SLC5A12: variants seen among roughly 807,000 people sequenced by gnomAD.
SLC5A12 encodes sodium-coupled monocarboxylate transporter 2.
Under a neutral mutation model 72.7 loss-of-function variants are expected in SLC5A12, and 46 were observed. The observed-to-expected ratio is 0.63, with a 90% confidence interval of 0.50 to 0.81. SLC5A12 has a LOEUF of 0.81. Among genes scored for constraint, SLC5A12 ranks in the 30% least tolerant of loss-of-function variants. SLC5A12 has a pLI of 0.00. For synonymous variants in SLC5A12, 275 were observed against 264.4 expected, an observed-to-expected ratio of 1.04 and a Z score of -0.39; for missense variants, 683 against 740.7, an observed-to-expected ratio of 0.92 and a Z score of 0.90.
intron 8 of SLC5A12, among the ~76,000 whole-genome samples, chr11:26,696,596 C>T (rs12292422): frequency 0.13 from 20,323 of 152,166 alleles, 1,698 homozygotes; most frequent in African/African-American, 0.24. Context: ...GGTTACAAAC[C>T]TGTACAGAAT....
rs1854032565 is a variant in SLC5A12 at position 26,667,737 on chromosome 11, CT to C, written c.*3364del. 6.6e-6 allele frequency: 1 copy of C among 151,702 alleles called. No individual in the cohort carries two copies. Among genetic ancestry groups the C allele is most frequent in the Non-Finnish European group, 1.5e-5 (1 of 67,892 alleles). The allele number at this position is 151,702 out of a possible 1,614,324, so 9.4% of individuals were successfully genotyped here. ...GAATTTAGGACCTTTAGAAAAGTTA[CT>C]CTCTGGAAAATAATATTTTATTTAA... On this transcript the variant is annotated 3_prime_UTR_variant, in exon 15 of 15. Transcript: ENST00000396005.
chr11:26,703,425 TACAC>T (rs10594778), intron 6 of SLC5A12, 102 bp downstream of exon 6: 30 of 882,458 alleles, frequency 3.4e-5, no homozygotes, highest in African/African-American at 2.7e-4. Context: ...CACACATACA[TACAC>T]ACACACACAC....
intron 6 of SLC5A12, among the ~76,000 whole-genome samples, chr11:26,702,297 A>G (rs991478772): frequency 6.6e-6 from 1 of 152,198 alleles, no homozygotes; most frequent in Non-Finnish European, 1.5e-5. Flanking sequence ...TCTGAGAGCT[A>G]TGAAATATAT....
rs1565185805 is a variant in SLC5A12, at chr11:26,680,392, T to TATACA, written c.1475+662_1475+663insTGTAT. Reference sequence around the variant, plus strand: ...ATATTCATATATATATGTATATATATTCATATATATATATATATTTCCTCA... The same window carrying TATACA: ...ATATTCATATATATATGTATATATATATACATCATATATATATATATATTTCCTCA... On this transcript the variant is annotated intron_variant, in intron 12 of 14. Transcript: ENST00000396005. Among the ~76,000 whole-genome samples the TATACA allele has an allele frequency of 8.9e-5, 6 of 67,382 alleles. No homozygotes were observed. The South Asian group carries it at 3.2e-3, about 36-fold the overall frequency. 44.2% of individuals were successfully genotyped at this position (67,382 alleles called of 152,430 possible).
At chr11:26,712,122 C>T (rs979759245) in intron 2 of SLC5A12, among the ~76,000 whole-genome samples, 2 of 151,912 alleles carry the variant, frequency 1.3e-5, no homozygotes, top group African/African-American at 2.4e-5. Context: ...CTATCAATGC[C>T]GTGCCATGGG....
At chr11:26,674,640 T>C (rs1246989966) in intron 13 of SLC5A12, among the ~76,000 whole-genome samples, 1 of 152,080 alleles carries the variant, frequency 6.6e-6, no homozygotes, top group African/African-American at 2.4e-5. Flanking sequence ...TGACCTCAGG[T>C]GATCTGCCCA....
intron 14 of SLC5A12, among the ~76,000 whole-genome samples, chr11:26,672,584 G>T (rs1854168484): frequency 6.6e-6 from 1 of 152,012 alleles, no homozygotes; most frequent in African/African-American, 2.4e-5. Context: ...ATCCTTCAGT[G>T]GGAACCCAAA....
At chr11:26,712,857 G>T in intron 1 of SLC5A12, 151 bp from the exon 2 acceptor site, 1 of 388,798 alleles carries the variant, frequency 2.6e-6, no homozygotes, top group Non-Finnish European at 4.7e-6. Context: ...GAATAAAAAA[G>T]CATGGATTGT....
intron 9 of SLC5A12, among the ~76,000 whole-genome samples, chr11:26,689,324 G>A (rs1184179952): frequency 1.3e-5 from 2 of 152,108 alleles, no homozygotes; most frequent in Admixed American, 6.5e-5. Flanking sequence ...CTTGAACCCG[G>A]GAGGCGGAGG....
chr11:26,722,845 C>T (rs1011270255), upstream of SLC5A12, among the ~76,000 whole-genome samples: 9 of 150,874 alleles, frequency 6.0e-5, no homozygotes, highest in African/African-American at 2.0e-4. Context: ...TCCATCCCCA[C>T]CTCTACAAAG....
At chr11:26,686,396 T>C (rs1349904602) in intron 10 of SLC5A12, 81 bp downstream of exon 10, 2 of 1,278,010 alleles carry the variant, frequency 1.6e-6, no homozygotes, top group African/African-American at 2.9e-5. Flanking sequence ...CCTTTGGATC[T>C]TGGAGGAAGA....
At chr11:26,716,028 G>C (rs897934087) in intron 1 of SLC5A12, among the ~76,000 whole-genome samples, 24 of 152,126 alleles carry the variant, frequency 1.6e-4, no homozygotes, top group African/African-American at 5.1e-4. Context: ...TGAATACAAA[G>C]ATTGGCACTA....
rs867286848 is a variant in SLC5A12 at position 26,718,648 on chromosome 11, G to A, written c.339+2728C>T. 6.5e-3 allele frequency among the ~76,000 whole-genome samples: 989 copies of A among 151,074 alleles called. 11 individuals carry two copies. The highest frequency in any genetic ancestry group is 0.023 in the African/African-American group (945 of 41,034). On this transcript the variant is annotated intron_variant, in intron 1 of 14. Coordinates refer to ENST00000396005, the MANE Select transcript of SLC5A12 (RefSeq NM_178498.4). ...TGTGTGTGTGTGTGTGTGTGTGTGT[G>A]TGTGTGTGTGTGTGTTGTTTAGTAG...
intron 12 of SLC5A12, among the ~76,000 whole-genome samples, 163 bp downstream of exon 12, chr11:26,680,892 A>T (rs1375131416): frequency 6.6e-6 from 1 of 152,140 alleles, no homozygotes; most frequent in East Asian, 1.9e-4. Context: ...ATCTGCAGAA[A>T]GCTGCAGCCC....
upstream of SLC5A12, among the ~76,000 whole-genome samples, chr11:26,722,788 C>T (rs1241886341): frequency 6.6e-6 from 1 of 151,596 alleles, no homozygotes; most frequent in Admixed American, 6.6e-5. Context: ...ACCTCTAGTG[C>T]AATTTCTAAT....
At chr11:26,696,620 A>G (rs1391808197) in intron 8 of SLC5A12, among the ~76,000 whole-genome samples, 2 of 152,350 alleles carry the variant, frequency 1.3e-5, no homozygotes, top group East Asian at 3.9e-4. Context: ...ACTGTCCTGA[A>G]TACTGTAGGC....
At chr11:26,693,712 T>C (rs968382638) in intron 8 of SLC5A12, among the ~76,000 whole-genome samples, 1 of 152,170 alleles carries the variant, frequency 6.6e-6, no homozygotes, top group African/African-American at 2.4e-5. Flanking sequence ...TCCATTGATA[T>C]TGATTAAAAA....
At chr11:26,687,528 T>G (rs1414983160) in intron 9 of SLC5A12, among the ~76,000 whole-genome samples, 1 of 152,236 alleles carries the variant, frequency 6.6e-6, no homozygotes. Flanking sequence ...TAGAATGTGA[T>G]TCCTGTCTCT....
At chr11:26,718,057 A>C (rs1855392476) in intron 1 of SLC5A12, among the ~76,000 whole-genome samples, 1 of 152,198 alleles carries the variant, frequency 6.6e-6, no homozygotes, top group Admixed American at 6.5e-5. Context: ...GGGTGGATAA[A>C]GAGACTCCAC....
Sources: allele counts gnomAD v4.1 joint callset (sites outside exome capture counted in the v4.1 genomes callset), GRCh38; gene constraint gnomAD v4.1.1; transcripts MANE v1.5; gene names NCBI Gene and HGNC (gene_info 2026-07-23, HGNC 2026-07-21).